TAB2: variants seen among roughly 807,000 people sequenced by gnomAD.
TAB2 encodes the protein TGF-beta activated kinase 1 (MAP3K7) binding protein 2, also known as TGF-beta-activated kinase 1 and MAP3K7-binding protein 2.
In TAB2, 3 loss-of-function variants were observed where a neutral mutation model predicts 65.0. That is an observed-to-expected ratio of 0.05 (90% CI 0.02 to 0.12). The LOEUF (loss-of-function observed/expected upper bound fraction) is 0.12. Ranked by LOEUF, TAB2 falls within the 10% of genes least tolerant of loss-of-function variation. The pLI is 1.00. For synonymous variants in TAB2, 298 were observed against 285.1 expected (o/e 1.05, Z -0.46); for missense variants, 623 against 840.3 (o/e 0.74, Z 3.20).
At chr6:149,328,191 A>G (rs1340128465) in intron 1 of TAB2, among the ~76,000 whole-genome samples, 4 of 152,254 alleles carry the variant, frequency 2.6e-5, no homozygotes, top group Non-Finnish European at 5.9e-5. Context: ...CAGAAACTCC[A>G]TAGAGCGTAT....
At chr6:149,313,041 G>A (rs1214510770), upstream of TAB2, among the ~76,000 whole-genome samples, 2 of 152,010 alleles carry the variant, frequency 1.3e-5, no homozygotes, top group Non-Finnish European at 2.9e-5. Flanking sequence ...AAATATGGCC[G>A]TGGCTTCTTA....
intron 6 of TAB2, among the ~76,000 whole-genome samples, chr6:149,403,295 C>CATATATAT (rs1190885445): frequency 1.4e-4 from 11 of 76,444 alleles, no homozygotes; most frequent in Admixed American, 4.1e-4. Flanking sequence ...CACACACACA[C>CATATATAT]ATATATATAT....
At chr6:149,248,423 GA>G (rs1335484580) in intron 1 of TAB2, among the ~76,000 whole-genome samples, 1 of 132,652 alleles carries the variant, frequency 7.5e-6, no homozygotes, top group African/African-American at 2.8e-5. Context: ...GAAAGAAAAA[GA>G]AAGAAAGGAA....
intron 2 of TAB2, among the ~76,000 whole-genome samples, chr6:149,377,455 A>G (rs1781442630): frequency 1.3e-5 from 2 of 151,850 alleles, no homozygotes. Flanking sequence ...GCCTCCAGAG[A>G]GAGAGGGATT....
chr6:149,306,527 C>T (rs1668394302), intron 1 of TAB2, among the ~76,000 whole-genome samples: 1 of 146,766 alleles, frequency 6.8e-6, no homozygotes, highest in South Asian at 2.1e-4. Context: ...CACTGCACTC[C>T]AGCCCAGGCG....
chr6:149,406,613 G>GAA (rs1388324347), intron 6 of TAB2, among the ~76,000 whole-genome samples: 1 of 152,146 alleles, frequency 6.6e-6, no homozygotes, highest in African/African-American at 2.4e-5. Context: ...GAACAAGGAA[G>GAA]AACTAGTATA....
At chr6:149,361,742 A>C (rs947292218) in intron 1 of TAB2, among the ~76,000 whole-genome samples, 1 of 152,136 alleles carries the variant, frequency 6.6e-6, no homozygotes, top group Non-Finnish European at 1.5e-5. Context: ...TCCCCTTTAA[A>C]TATAACTTCC....
intron 1 of TAB2, among the ~76,000 whole-genome samples, chr6:149,279,931 T>C (rs954384899): frequency 6.6e-6 from 1 of 152,196 alleles, no homozygotes. Context: ...GATCTGGAAA[T>C]CAGTTTGACC....
intron 3 of TAB2, among the ~76,000 whole-genome samples, chr6:149,385,683 G>A (rs1344373041): frequency 1.3e-5 from 2 of 152,100 alleles, no homozygotes; most frequent in African/African-American, 4.8e-5. Flanking sequence ...TACTCCAAAG[G>A]TTATCCAGTC....
chr6:149,312,043 C>T (rs947212215), intron 1 of TAB2, among the ~76,000 whole-genome samples: 1 of 152,200 alleles, frequency 6.6e-6, no homozygotes, highest in Non-Finnish European at 1.5e-5. Flanking sequence ...AAGATTAGCT[C>T]ATTCTAATTC....
chr6:149,275,273 A>G lies in TAB2; in HGVS notation c.-121+56497A>G, dbSNP rs1160026784. On this transcript the variant is annotated intron_variant, in intron 1 of 1. Coordinates refer to the TAB2 transcript ENST00000606202. ...GAAAGAAAGAAAGAAAGAAAGAAAG[A>G]AAGAAAGAAAGAAAGAAAGAAAGAA... is the stretch of plus-strand genomic sequence containing the variant. 4.0e-5 allele frequency among the ~76,000 whole-genome samples: 6 copies of G among 150,756 alleles called. No homozygotes were observed. The East Asian group carries it at 1.2e-3, about 29-fold the overall frequency.
At chr6:149,345,487 A>G (rs187639107) in intron 1 of TAB2, among the ~76,000 whole-genome samples, 5 of 152,198 alleles carry the variant, frequency 3.3e-5, no homozygotes, top group Admixed American at 1.3e-4. Context: ...TACTCTATCT[A>G]CATATCAGAA....
At chr6:149,407,944 G>A (rs57234155) in intron 6 of TAB2, among the ~76,000 whole-genome samples, 2,210 of 152,120 alleles carry the variant, frequency 0.015, 50 homozygotes, top group African/African-American at 0.051. Flanking sequence ...AGTGTAAAAA[G>A]GGACTTCCTT....
intron 1 of TAB2, among the ~76,000 whole-genome samples, chr6:149,232,168 G>C (rs760878): frequency 0.12 from 18,190 of 152,154 alleles, 1,344 homozygotes; most frequent in East Asian, 0.28. Flanking sequence ...AAGGAAGAGG[G>C]AAGAGCACGA....
intron 3 of TAB2, among the ~76,000 whole-genome samples, chr6:149,386,400 T>C (rs1781810922): frequency 6.6e-6 from 1 of 152,132 alleles, no homozygotes; most frequent in African/African-American, 2.4e-5. Context: ...AACACTTTCA[T>C]CTCCTCTACA....
chr6:149,315,729 G>C (rs1209237016), upstream of TAB2, among the ~76,000 whole-genome samples: 3 of 152,144 alleles, frequency 2.0e-5, no homozygotes, highest in African/African-American at 7.2e-5. Flanking sequence ...ATACAGGCTA[G>C]TTATTTTATA....
intron 1 of TAB2, among the ~76,000 whole-genome samples, chr6:149,219,553 T>G (rs1336257319): frequency 1.3e-5 from 2 of 152,226 alleles, no homozygotes; most frequent in African/African-American, 4.8e-5. Flanking sequence ...TTTTTAAAAA[T>G]GAAGAGCTGG....
chr6:149,269,449 A>G (rs1395381284), intron 1 of TAB2, among the ~76,000 whole-genome samples: 1 of 152,186 alleles, frequency 6.6e-6, no homozygotes, highest in African/African-American at 2.4e-5. Flanking sequence ...TTTACAGAAG[A>G]TTAAAGTAGA....
chr6:149,264,694 G>GAGT (rs1440825539), intron 1 of TAB2, among the ~76,000 whole-genome samples: 2 of 152,202 alleles, frequency 1.3e-5, no homozygotes, highest in Non-Finnish European at 2.9e-5. Context: ...CCAGGAAGCA[G>GAGT]AGTAGGAGAC....
Sources: gnomAD v4.1 joint callset for allele counts (sites outside exome capture counted in the v4.1 genomes callset) on GRCh38, gnomAD v4.1.1 for gene constraint, MANE v1.5 for transcripts, NCBI Gene and HGNC (gene_info 2026-07-23, HGNC 2026-07-21) for gene names.